The following TMEM108 variants were observed in gnomAD, a reference collection of about 807,000 sequenced individuals.
TMEM108 encodes the protein cancer/testis antigen 124.
A neutral mutation model predicts 35.1 loss-of-function variants in TMEM108; 12 were observed. The ratio of observed to expected loss-of-function variants is 0.34; its 90% CI spans 0.22 to 0.55. TMEM108 has a LOEUF of 0.55. Ranked by LOEUF, TMEM108 falls within the 20% of genes least tolerant of loss-of-function variation. The pLI is 0.89. For missense variants in TMEM108, 680 were observed against 753.3 expected, an observed-to-expected ratio of 0.90 and a Z score of 1.14; for synonymous variants, 287 against 308.6, an observed-to-expected ratio of 0.93 and a Z score of 0.73.
At chr3:133,230,831 T>C (rs1946142083) in intron 3 of TMEM108, among the ~76,000 whole-genome samples, 1 of 152,210 alleles carries the variant, frequency 6.6e-6, no homozygotes, top group South Asian at 2.1e-4. Flanking sequence ...ACAAGACTTA[T>C]CCTATGACGA....
chr3:133,134,019 C>T (rs59428382), intron 2 of TMEM108, among the ~76,000 whole-genome samples: 9,578 of 151,972 alleles, frequency 0.063, 1,021 homozygotes, highest in African/African-American at 0.22. Flanking sequence ...ACCTCAGCCT[C>T]CCAAAGTGCT....
At chr3:133,191,880 A>G (rs1259123759) in intron 2 of TMEM108, among the ~76,000 whole-genome samples, 2 of 152,126 alleles carry the variant, frequency 1.3e-5, no homozygotes, top group Non-Finnish European at 2.9e-5. Flanking sequence ...TAAAATCATG[A>G]TGCTGCCATC....
chr3:133,218,032 A>G (rs143928772), intron 2 of TMEM108, among the ~76,000 whole-genome samples: 1 of 152,028 alleles, frequency 6.6e-6, no homozygotes, highest in Non-Finnish European at 1.5e-5. Flanking sequence ...TTTAACATTA[A>G]TTTTTCCAAT....
At chr3:133,167,735 G>A (rs938890632) in intron 2 of TMEM108, among the ~76,000 whole-genome samples, 23 of 152,192 alleles carry the variant, frequency 1.5e-4, no homozygotes, top group African/African-American at 5.5e-4. Flanking sequence ...GCTGGCCCGT[G>A]AGCACCGCAT....
intron 3 of TMEM108, among the ~76,000 whole-genome samples, chr3:133,297,830 A>G (rs1947167874): frequency 1.3e-5 from 2 of 152,344 alleles, no homozygotes; most frequent in South Asian, 2.1e-4. Context: ...GCGAAAGCTG[A>G]TAAGATACTG....
chr3:133,254,267 C>T (rs1304165892), intron 3 of TMEM108, among the ~76,000 whole-genome samples: 1 of 152,110 alleles, frequency 6.6e-6, no homozygotes, highest in Admixed American at 6.5e-5. Context: ...AGTGAACAAA[C>T]CTATTGGTCA....
rs377630777 is a variant in TMEM108 at position 133,202,342 on chromosome 3, G to T, written c.-46-26924G>T. 1.4e-4 allele frequency among the ~76,000 whole-genome samples: 22 copies of T among 152,148 alleles called. No homozygotes were observed. In the East Asian group the frequency reaches 3.1e-3, roughly 21 times the overall value. ...TTTGGCTTATGTCGCCATTGCTTTT[G>T]GTGTTTTAGTCACAAAGTCTTTGCC... On this transcript the variant is annotated intron_variant, in intron 2 of 5. Transcript: ENST00000321871.
chr3:133,287,883 C>A (rs1576433962), intron 3 of TMEM108, among the ~76,000 whole-genome samples: 1 of 152,230 alleles, frequency 6.6e-6, no homozygotes, highest in East Asian at 1.9e-4. Flanking sequence ...AATTCAGAAG[C>A]ACTGAATGGA....
intron 2 of TMEM108, among the ~76,000 whole-genome samples, chr3:133,113,772 T>G (rs1944254029): frequency 6.6e-6 from 1 of 152,170 alleles, no homozygotes. Context: ...AGGTGGCAAC[T>G]GTTGAACTGG....
At chr3:133,059,058 A>G (rs1943506260) in intron 2 of TMEM108, among the ~76,000 whole-genome samples, 1 of 152,206 alleles carries the variant, frequency 6.6e-6, no homozygotes, top group Non-Finnish European at 1.5e-5. Flanking sequence ...GCAGACTGCC[A>G]GCTTCTCATT....
chr3:133,388,562 C>T, intron 4 of TMEM108: 1 of 985,410 alleles, frequency 1.0e-6, no homozygotes, highest in Non-Finnish European at 1.2e-6. Context: ...CCCCGTTAGC[C>T]CTAACACTCA....
intron 3 of TMEM108, among the ~76,000 whole-genome samples, chr3:133,234,197 C>A (rs1255385783): frequency 3.3e-5 from 5 of 151,852 alleles, no homozygotes; most frequent in African/African-American, 9.7e-5. Context: ...GTCTTTAATC[C>A]ATCTTGAATT....
At chr3:133,178,441 G>GTAC (rs570041439) in intron 2 of TMEM108, among the ~76,000 whole-genome samples, 2,115 of 152,132 alleles carry the variant, frequency 0.014, 52 homozygotes, top group African/African-American at 0.049. Flanking sequence ...AAACAGCATG[G>GTAC]TACTGGTACC....
intron 2 of TMEM108, among the ~76,000 whole-genome samples, chr3:133,134,691 G>C (rs1329923754): frequency 2.0e-5 from 3 of 152,098 alleles, no homozygotes; most frequent in Non-Finnish European, 4.4e-5. Flanking sequence ...CTGTAGAGTG[G>C]TGAAGTCAGT....
At chr3:133,391,574 C>T (rs930462516) in intron 5 of TMEM108, among the ~76,000 whole-genome samples, 9 of 152,206 alleles carry the variant, frequency 5.9e-5, no homozygotes, top group African/African-American at 2.2e-4. Context: ...CCTCACATCA[C>T]ACCCCTCTCC....
intron 2 of TMEM108, chr3:133,125,109 A>C (rs1461957876): frequency 6.6e-6 from 1 of 152,226 alleles, no homozygotes; most frequent in African/African-American, 2.4e-5. Flanking sequence ...ATGGAGATTT[A>C]AAATAGGGCA....
chr3:133,040,507 A>AT (rs552636987), intron 1 of TMEM108, among the ~76,000 whole-genome samples: 22 of 148,962 alleles, frequency 1.5e-4, no homozygotes, highest in African/African-American at 3.4e-4. Context: ...CGGCCAGAAA[A>AT]TTTTTTTTTT....
intron 3 of TMEM108, among the ~76,000 whole-genome samples, chr3:133,283,354 A>C (rs943576171): frequency 6.6e-6 from 1 of 152,136 alleles, no homozygotes; most frequent in African/African-American, 2.4e-5. Context: ...TCAGGAAATA[A>C]CCATGTATTC....
intron 1 of TMEM108, among the ~76,000 whole-genome samples, chr3:133,038,776 G>A (rs1421547474): frequency 6.6e-6 from 1 of 152,222 alleles, no homozygotes; most frequent in African/African-American, 2.4e-5. Context: ...CGCTGGACCT[G>A]GGCTGGGGCC....
Sources: gnomAD v4.1 joint callset for allele counts (sites outside exome capture counted in the v4.1 genomes callset) on GRCh38, gnomAD v4.1.1 for gene constraint, MANE v1.5 for transcripts, NCBI Gene and HGNC (gene_info 2026-07-23, HGNC 2026-07-21) for gene names.